The following GRM8 variants were observed in gnomAD, a reference collection of about 807,000 sequenced individuals.
The protein encoded by GRM8 is metabotropic glutamate receptor 8.
In GRM8, 47 loss-of-function variants were observed where a neutral mutation model predicts 87.2. The observed-to-expected ratio is 0.54, with a 90% CI of 0.43 to 0.69. The LOEUF (loss-of-function observed/expected upper bound fraction) is 0.69, where lower values mean the gene tolerates loss of function less well. GRM8 is among the 30% of genes least tolerant of loss of function. The pLI is 0.00. For missense variants in GRM8, 1,019 were observed against 1,139.2 expected (o/e 0.89, Z 1.52); for synonymous variants, 396 against 404.5 (o/e 0.98, Z 0.25).
intron 7 of GRM8, among the ~76,000 whole-genome samples, chr7:126,676,204 C>T (rs1017721357): frequency 1.2e-4 from 18 of 152,048 alleles, no homozygotes; most frequent in African/African-American, 4.3e-4. Context: ...TACAAGGAGA[C>T]TATCACATGC....
Position 127,047,720 on chromosome 7 carries a change from A to C in GRM8, c.727+58776T>G, listed in dbSNP as rs1347306391. Among the ~76,000 whole-genome samples the C allele has an allele frequency of 2.6e-5, 4 of 152,194 alleles. No individual in the cohort carries two copies. In the East Asian group the frequency reaches 7.7e-4, roughly 29 times the overall value. ...GTGATTCATACCTATAGTGCCAGCT[A>C]CTGGAGCAGCTGAGGTAGGAGAATC... On this transcript the variant is annotated intron_variant, in intron 3 of 10. Transcript: ENST00000339582.
At chr7:126,788,814 G>GA (rs1024884785) in intron 6 of GRM8, among the ~76,000 whole-genome samples, 69 of 137,092 alleles carry the variant, frequency 5.0e-4, no homozygotes, top group South Asian at 1.4e-3. Flanking sequence ...CTCAGAGACA[G>GA]AAAAAAAAAA....
At chr7:126,896,187 T>C (rs1228810851) in intron 6 of GRM8, among the ~76,000 whole-genome samples, 1 of 150,936 alleles carries the variant, frequency 6.6e-6, no homozygotes, top group Non-Finnish European at 1.5e-5. Flanking sequence ...TGAAATCTAG[T>C]ATGTCTGAAA....
chr7:127,202,728 T>C (rs1338418434), intron 2 of GRM8, among the ~76,000 whole-genome samples: 2 of 152,050 alleles, frequency 1.3e-5, no homozygotes, highest in Non-Finnish European at 2.9e-5. Context: ...GTTCACATAA[T>C]TCCAAAGCCT....
intron 6 of GRM8, among the ~76,000 whole-genome samples, chr7:126,878,148 C>T (rs1799693546): frequency 6.6e-6 from 1 of 152,148 alleles, no homozygotes; most frequent in African/African-American, 2.4e-5. Flanking sequence ...ACCCCACAGC[C>T]CCACCACCTA....
intron 9 of GRM8, among the ~76,000 whole-genome samples, chr7:126,505,246 G>T (rs1329897995): frequency 6.6e-6 from 1 of 152,014 alleles, no homozygotes; most frequent in Non-Finnish European, 1.5e-5. Context: ...AATTCTGTAG[G>T]CTTATAATAA....
chr7:126,840,819 T>C (rs1047187733), intron 6 of GRM8, among the ~76,000 whole-genome samples: 1 of 152,254 alleles, frequency 6.6e-6, no homozygotes, highest in African/African-American at 2.4e-5. Context: ...TATACACCAA[T>C]TTCATGTCAC....
intron 2 of GRM8, among the ~76,000 whole-genome samples, chr7:127,133,001 A>G (rs553943081): frequency 6.6e-6 from 1 of 152,252 alleles, no homozygotes; most frequent in Non-Finnish European, 1.5e-5. Flanking sequence ...GCACAGTGGC[A>G]CATGCCTATA....
At chr7:126,675,399 A>G (rs1563081606) in intron 7 of GRM8, among the ~76,000 whole-genome samples, 1 of 152,194 alleles carries the variant, frequency 6.6e-6, no homozygotes, top group Non-Finnish European at 1.5e-5. Flanking sequence ...CAAAGCTCAT[A>G]TCAAACTGAT....
intron 6 of GRM8, among the ~76,000 whole-genome samples, chr7:126,884,708 C>A (rs1325997024): frequency 6.6e-6 from 1 of 152,108 alleles, no homozygotes; most frequent in East Asian, 1.9e-4. Context: ...AAGGATTATC[C>A]AGTGCCTTCT....
At chr7:126,892,050 TAAAC>T (rs1801082544) in intron 6 of GRM8, among the ~76,000 whole-genome samples, 1 of 142,714 alleles carries the variant, frequency 7.0e-6, no homozygotes, top group African/African-American at 2.6e-5. Flanking sequence ...AAAACCCTAA[TAAAC>T]TAATAATTTT....
rs922405556 is a variant in GRM8 at position 127,096,758 on chromosome 7, GAGA to G, written c.727+9735_727+9737del. Reference sequence around the variant, plus strand: ...AATCTGGAACATAAACCCAGCCAGTGAGAAGTTCTTAACCACTCCCCAGTGCTG... The same window carrying G: ...AATCTGGAACATAAACCCAGCCAGTGAGTTCTTAACCACTCCCCAGTGCTG... On this transcript the variant is annotated intron_variant, in intron 3 of 10. Coordinates refer to ENST00000339582, the MANE Select transcript of GRM8 (RefSeq NM_000845.3). Among the ~76,000 whole-genome samples, 28 of 152,164 alleles carry G rather than the reference GAGA, an allele frequency of 1.8e-4. 1 individual carries two copies. Among genetic ancestry groups the G allele is most frequent in the African/African-American group, 6.8e-4 (28 of 41,428 alleles).
At chr7:126,809,624 T>C (rs117862031) in intron 6 of GRM8, among the ~76,000 whole-genome samples, 2,041 of 152,302 alleles carry the variant, frequency 0.013, 14 homozygotes, top group Non-Finnish European at 0.02. Flanking sequence ...CTCAGGGCCA[T>C]CCACAAAATT....
intron 6 of GRM8, among the ~76,000 whole-genome samples, chr7:126,854,918 T>C (rs1273306595): frequency 6.6e-6 from 1 of 152,208 alleles, no homozygotes; most frequent in Non-Finnish European, 1.5e-5. Context: ...GGATGCCCTT[T>C]ATTTCTTTCT....
intron 3 of GRM8, among the ~76,000 whole-genome samples, chr7:127,038,852 T>C (rs955269532): frequency 6.6e-6 from 1 of 152,170 alleles, no homozygotes; most frequent in Non-Finnish European, 1.5e-5. Context: ...ATAATGACAG[T>C]GGATAGTGAA....
chr7:126,541,856 T>G (rs1193580369), intron 8 of GRM8, among the ~76,000 whole-genome samples: 1 of 152,202 alleles, frequency 6.6e-6, no homozygotes, highest in Non-Finnish European at 1.5e-5. Context: ...CTGTTATGGG[T>G]TGAATTGTGT....
chr7:127,196,927 G>T (rs995633213), intron 2 of GRM8, among the ~76,000 whole-genome samples: 6 of 152,104 alleles, frequency 3.9e-5, no homozygotes, highest in Non-Finnish European at 7.4e-5. Flanking sequence ...TCACTATGTT[G>T]CCCAGGCTGG....
rs796315935 is a variant in GRM8, at chr7:127,252,346, A to AGT, written c.-312+449_-312+450dup. 33 of 152,296 alleles carry AGT rather than the reference A, an allele frequency of 2.2e-4. No individual in the cohort carries two copies. The highest frequency in any genetic ancestry group is 7.2e-4 in the African/African-American group (30 of 41,540). 9.4% of individuals were successfully genotyped at this position (152,296 alleles called of 1,614,324 possible). On this transcript the variant is annotated intron_variant, in intron 1 of 10. Transcript: ENST00000339582. The surrounding 1 kb of genome is among the most constrained non-coding windows in gnomAD (Gnocchi z 4.9). ...TCCAAGCCTTGGGAGTTCCGGGTAA[A>AGT]GTCTCCCTCTTTTCTGAACCTCTTT...
chr7:127,063,794 T>G (rs1157737910), intron 3 of GRM8, among the ~76,000 whole-genome samples: 1 of 152,226 alleles, frequency 6.6e-6, no homozygotes, highest in African/African-American at 2.4e-5. Context: ...TAAAACTACC[T>G]TAGCTGTGTC....
Sources: gnomAD v4.1 joint callset for allele counts (sites outside exome capture counted in the v4.1 genomes callset) on GRCh38, gnomAD v4.1.1 for gene constraint, Gnocchi (gnomAD v3.1) non-coding constraint, MANE v1.5 for transcripts, NCBI Gene and HGNC (gene_info 2026-07-23, HGNC 2026-07-21) for gene names.